The following MYO3B variants were observed in gnomAD, a reference collection of about 807,000 sequenced individuals.
The protein encoded by MYO3B is myosin-IIIb.
MYO3B carries 156 observed loss-of-function variants against 174.6 expected under a neutral mutation model. The observed-to-expected ratio is 0.89, with a 90% CI of 0.78 to 1.02. MYO3B has a LOEUF of 1.02. Ranked by LOEUF, MYO3B falls within the 50% of genes least tolerant of loss-of-function variation. The probability of loss-of-function intolerance (pLI) is 0.00; values close to 1 mark genes in which losing one functional copy is unlikely to be tolerated. For missense variants in MYO3B, 1,632 were observed against 1,639.4 expected, an observed-to-expected ratio of 1.00 and a Z score of 0.08; for synonymous variants, 563 against 569.1, an observed-to-expected ratio of 0.99 and a Z score of 0.15.
chr2:170,467,625 GA>G lies in MYO3B; in HGVS notation c.3014+924del, dbSNP rs369540298. On this transcript the variant is annotated intron_variant, in intron 25 of 34. Transcript: ENST00000408978. Reference sequence around the variant, plus strand: ...TGCCTGACAAAGACAAGGCAATCAAGAAAAAAAAAATACATTGTAGAATCTG... The same window carrying G: ...TGCCTGACAAAGACAAGGCAATCAAGAAAAAAAAATACATTGTAGAATCTG... 2.9e-3 allele frequency among the ~76,000 whole-genome samples: 426 copies of G among 148,278 alleles called. 4 individuals carry two copies. The highest frequency in any genetic ancestry group is 9.8e-3 in the African/African-American group (397 of 40,548).
intron 7 of MYO3B, among the ~76,000 whole-genome samples, chr2:170,292,822 A>G (rs1313788745): frequency 6.6e-6 from 1 of 152,134 alleles, no homozygotes; most frequent in African/African-American, 2.4e-5. Context: ...GCCAAGTTAC[A>G]GTACAGTTTC....
At chr2:170,469,974 T>C (rs1282689113) in intron 25 of MYO3B, among the ~76,000 whole-genome samples, 1 of 138,428 alleles carries the variant, frequency 7.2e-6, no homozygotes, top group East Asian at 1.9e-4. Context: ...TGTTGGTGCA[T>C]GCCTGTAATC....
chr2:170,583,699 T>C (rs934930627), intron 32 of MYO3B, among the ~76,000 whole-genome samples: 3 of 152,186 alleles, frequency 2.0e-5, no homozygotes, highest in African/African-American at 7.2e-5. Flanking sequence ...CCTGACAATA[T>C]CTTTTTAAGT....
chr2:170,459,608 C>G (rs926121768), intron 23 of MYO3B, among the ~76,000 whole-genome samples: 1 of 152,206 alleles, frequency 6.6e-6, no homozygotes, highest in Non-Finnish European at 1.5e-5. Context: ...AGCTGCCCAC[C>G]AGTCCCGGCG....
In MYO3B at chr2:170,199,238, T is replaced by G; in HGVS notation, c.33T>G (p.Asn11Lys). The G allele has an allele frequency of 6.2e-7, 1 of 1,612,946 alleles. No homozygotes were observed. The highest frequency in any genetic ancestry group is 1.1e-5 in the South Asian group (1 of 90,902). The change falls in exon 2 of 35, where the codon AAT becomes AAG. Residue 11 changes from asparagine (N) to lysine (K), a missense_variant. Coordinates refer to ENST00000408978, the MANE Select transcript of MYO3B (RefSeq NM_138995.5). ...ATCTGTATGGATTATTTCACTATAA[T>G]CCTATGATGCTTGGACTTGAATCAC... MKHLYGLFHY[N>K]PMMLGLESLP...
intron 1 of MYO3B, among the ~76,000 whole-genome samples, chr2:170,198,314 C>A (rs1010972284): frequency 2.0e-5 from 3 of 152,158 alleles, no homozygotes; most frequent in African/African-American, 7.2e-5. Flanking sequence ...TTTTATGTGA[C>A]TCTGTTTACA....
chr2:170,353,160 G>T (rs2105608953), intron 8 of MYO3B, among the ~76,000 whole-genome samples: 1 of 152,318 alleles, frequency 6.6e-6, no homozygotes, highest in East Asian at 1.9e-4. Context: ...TCACCAAGAT[G>T]TCCTTCAGTA....
chr2:170,648,960 T>A (rs1170299962), intron 32 of MYO3B, among the ~76,000 whole-genome samples: 1 of 60,446 alleles, frequency 1.7e-5, no homozygotes, highest in Non-Finnish European at 2.9e-5. Context: ...AAATAATATA[T>A]AATGTATAAT....
At chr2:170,573,568 A>T (rs1379536016) in intron 32 of MYO3B, among the ~76,000 whole-genome samples, 1 of 152,166 alleles carries the variant, frequency 6.6e-6, no homozygotes, top group Admixed American at 6.5e-5. Flanking sequence ...ATTTAGTGGC[A>T]TACAAATGCC....
chr2:170,557,107 G>A (rs1289932766), intron 32 of MYO3B, among the ~76,000 whole-genome samples: 7 of 150,616 alleles, frequency 4.6e-5, no homozygotes, highest in Non-Finnish European at 1.0e-4. Context: ...TTTCTTTTAG[G>A]TTCAAAGGGT....
At chr2:170,649,066 ATG>A (rs1491373630) in intron 32 of MYO3B, among the ~76,000 whole-genome samples, 1 of 67,276 alleles carries the variant, frequency 1.5e-5, no homozygotes, top group African/African-American at 7.0e-5. Flanking sequence ...ATAATATATA[ATG>A]TATATTATAT....
At position 170,626,551 on chromosome 2, in the gene MYO3B, A is replaced by C. The variant is rs181142140; in HGVS notation, c.3734-25077A>C. 2.3e-3 allele frequency among the ~76,000 whole-genome samples: 354 copies of C among 152,296 alleles called. 1 individual carries two copies. Among genetic ancestry groups the C allele is most frequent in the African/African-American group, 7.2e-3 (300 of 41,568 alleles). On this transcript the variant is annotated intron_variant, in intron 32 of 34. Coordinates refer to ENST00000408978, the MANE Select transcript of MYO3B (RefSeq NM_138995.5). ...TGGAGCATTTAGCCCATTTACATTT[A>C]AGGTTAATATTGTTATGTGTGAATT...
intron 1 of MYO3B, among the ~76,000 whole-genome samples, chr2:170,183,885 A>G (rs1374333001): frequency 8.5e-6 from 1 of 117,176 alleles, no homozygotes; most frequent in East Asian, 2.9e-4. Flanking sequence ...TAATGTTCTA[A>G]AAATTAGATA....
chr2:170,392,864 T>G (rs2094421517), intron 16 of MYO3B, among the ~76,000 whole-genome samples: 1 of 78,228 alleles, frequency 1.3e-5, no homozygotes, highest in Admixed American at 1.2e-4. Context: ...ATACTGTGGG[T>G]TTTTTTTCTG....
In MYO3B at chr2:170,310,466, C is replaced by A. The variant is rs551363087; in HGVS notation, c.750-24919C>A. On this transcript the variant is annotated intron_variant, in intron 7 of 34. Transcript: ENST00000408978. Reference sequence around the variant, plus strand: ...TCACCCGAGGTCAGGAGTTTGAGACCAGCCTGGCCATCGTGGCAAAACCTC... The same window carrying A: ...TCACCCGAGGTCAGGAGTTTGAGACAAGCCTGGCCATCGTGGCAAAACCTC... 1.1e-3 allele frequency among the ~76,000 whole-genome samples: 160 copies of A among 152,080 alleles called. 2 individuals carry two copies. The highest frequency in any genetic ancestry group is 3.5e-3 in the African/African-American group (147 of 41,480).
intron 7 of MYO3B, among the ~76,000 whole-genome samples, chr2:170,280,775 C>T (rs1455226936): frequency 6.6e-6 from 1 of 152,098 alleles, no homozygotes; most frequent in Non-Finnish European, 1.5e-5. Flanking sequence ...TGTCAAAGAT[C>T]AGATGGTCAT....
chr2:170,301,533 A>G (rs952687480), intron 7 of MYO3B, among the ~76,000 whole-genome samples: 6 of 152,166 alleles, frequency 3.9e-5, no homozygotes, highest in African/African-American at 1.2e-4. Context: ...CTTCTACTAC[A>G]TTAAATTTAT....
intron 8 of MYO3B, among the ~76,000 whole-genome samples, chr2:170,358,710 A>G (rs561359200): frequency 6.6e-6 from 1 of 152,316 alleles, no homozygotes. Flanking sequence ...TGCACATTAT[A>G]GTTGCAACCA....
chr2:170,621,038 G>A (rs1695870753), intron 32 of MYO3B, among the ~76,000 whole-genome samples: 1 of 151,834 alleles, frequency 6.6e-6, no homozygotes, highest in African/African-American at 2.4e-5. Flanking sequence ...ACAGGCACCC[G>A]CCACTGTGCC....
Sources: gnomAD v4.1 joint callset for allele counts (sites outside exome capture counted in the v4.1 genomes callset) on GRCh38, gnomAD v4.1.1 for gene constraint, MANE v1.5 for transcripts, NCBI Gene and HGNC (gene_info 2026-07-23, HGNC 2026-07-21) for gene names.